PAK1: variants seen among roughly 807,000 people sequenced by gnomAD.
PAK1 encodes p21 (RAC1) activated kinase 1.
Under a neutral mutation model 67.4 loss-of-function variants are expected in PAK1, and 29 were observed. The observed-to-expected ratio is 0.43, with a 90% confidence interval of 0.32 to 0.59. The LOEUF is 0.59. Ranked by LOEUF, PAK1 falls within the 20% of genes least tolerant of loss-of-function variation. The pLI is 0.07. For synonymous variants in PAK1, 223 were observed against 237.4 expected (o/e 0.94, Z 0.56); for missense variants, 337 against 670.7 (o/e 0.50, Z 5.50).
chr11:77,409,250 A>T (rs1415596289), intron 1 of PAK1, among the ~76,000 whole-genome samples: 1 of 152,142 alleles, frequency 6.6e-6, no homozygotes. Context: ...CAGCCTGGGC[A>T]ACAGAGCAAG....
At chr11:77,471,101 T>C (rs1298993238) in intron 1 of PAK1, among the ~76,000 whole-genome samples, 2 of 152,222 alleles carry the variant, frequency 1.3e-5, no homozygotes, top group Admixed American at 1.3e-4. Flanking sequence ...GCCTGCTATA[T>C]GCAGTCACTA....
intron 1 of PAK1, among the ~76,000 whole-genome samples, chr11:77,394,486 G>GT (rs1716159340): frequency 6.6e-6 from 1 of 151,896 alleles, no homozygotes; most frequent in Admixed American, 6.6e-5. Context: ...CCCACATCCA[G>GT]TTTTTTCCTC....
At chr11:77,501,441 T>C in the PAK1 span, among the ~76,000 whole-genome samples, 2 of 152,216 alleles carry the variant, frequency 1.3e-5, no homozygotes, top group African/African-American at 4.8e-5. Context: ...CTGCTGAGCA[T>C]TCACTGAATT....
At chr11:77,467,789 ATTAT>A (rs1208473967) in intron 1 of PAK1, among the ~76,000 whole-genome samples, 1 of 152,230 alleles carries the variant, frequency 6.6e-6, no homozygotes, top group East Asian at 1.9e-4. Context: ...TAAGTTAGGT[ATTAT>A]TTCTTTCAAA....
chr11:77,489,669 T>A, the PAK1 span, among the ~76,000 whole-genome samples: 2 of 151,700 alleles, frequency 1.3e-5, no homozygotes. Context: ...CGGGCTGGTC[T>A]CCAGCTCCTA....
chr11:77,412,954 G>T (rs146077696), intron 1 of PAK1, among the ~76,000 whole-genome samples: 1 of 152,092 alleles, frequency 6.6e-6, no homozygotes, highest in Non-Finnish European at 1.5e-5. Context: ...TTACCAACAC[G>T]GCCCAGACTA....
chr11:77,505,016 C>T, the PAK1 span, among the ~76,000 whole-genome samples: 1 of 152,168 alleles, frequency 6.6e-6, no homozygotes, highest in Non-Finnish European at 1.5e-5. Flanking sequence ...GATCTGGAGC[C>T]AGGATGAGAA....
At chr11:77,512,375 G>A in the PAK1 span, among the ~76,000 whole-genome samples, 29 of 141,572 alleles carry the variant, frequency 2.0e-4, no homozygotes, top group African/African-American at 6.1e-4. Context: ...TCATTTGTGT[G>A]GTCTCTGTGA....
At chr11:77,348,269 A>G (rs529437798) in intron 9 of PAK1, among the ~76,000 whole-genome samples, 1 of 152,304 alleles carries the variant, frequency 6.6e-6, no homozygotes, top group South Asian at 2.1e-4. Flanking sequence ...CTTTGAAGTA[A>G]GAACTTCTCT....
chr11:77,336,220 T>A lies in PAK1; in HGVS notation c.1279A>T (p.Thr427Ser), dbSNP rs1330569336. ...ACCTCTGGTGCCATCCAGTATGGGGTTCCTACCATGGTGCTCCGTTTGCTC... is the reference window on the plus strand; with the variant it reads ...ACCTCTGGTGCCATCCAGTATGGGGATCCTACCATGGTGCTCCGTTTGCTC... ...EQSKRSTMVG[T>S]PYWMAPEVVT... The change falls in exon 13 of 15, where the codon ACC (threonine) becomes TCC (serine). Residue 427 changes from threonine (T) to serine (S), a missense_variant. Coordinates refer to ENST00000356341, the MANE Select transcript of PAK1 (RefSeq NM_002576.5). The A allele has an allele frequency of 6.2e-7, 1 of 1,613,906 alleles. No homozygotes were observed. The highest frequency in any genetic ancestry group is 8.5e-7 in the Non-Finnish European group (1 of 1,179,932).
chr11:77,404,699 T>C (rs1412237562), intron 1 of PAK1, among the ~76,000 whole-genome samples: 1 of 152,220 alleles, frequency 6.6e-6, no homozygotes, highest in Non-Finnish European at 1.5e-5. Flanking sequence ...GAAGGAGGTG[T>C]TCTTCCTCTC....
rs976085856 is a variant in PAK1, at chr11:77,408,734, T to C, written c.-21-16193A>G. ...GGAGAAAATATTTGTAAGCTATCCA[T>C]CTGACAAAGGATTAATAACGAGAAT... is the stretch of plus-strand genomic sequence containing the variant. On this transcript the variant is annotated intron_variant, in intron 1 of 14. Transcript: ENST00000356341. 3.9e-5 allele frequency among the ~76,000 whole-genome samples: 6 copies of C among 152,212 alleles called. 1 individual carries two copies. In the East Asian group the frequency reaches 1.2e-3, roughly 29 times the overall value.
the PAK1 span, among the ~76,000 whole-genome samples, chr11:77,525,788 A>C: frequency 1.3e-5 from 2 of 152,260 alleles, no homozygotes; most frequent in Non-Finnish European, 1.5e-5. Context: ...TAAGTAAGGC[A>C]GAATTGGATT....
intron 2 of PAK1, among the ~76,000 whole-genome samples, chr11:77,391,987 C>CG (rs1173849077): frequency 6.6e-6 from 1 of 151,990 alleles, no homozygotes; most frequent in Non-Finnish European, 1.5e-5. Flanking sequence ...GAAACTAACT[C>CG]GGGGGGAAAA....
intron 1 of PAK1, 127 bp downstream of exon 1, chr11:77,473,425 C>T (rs912473414): frequency 3.9e-5 from 6 of 152,320 alleles, no homozygotes; most frequent in Admixed American, 6.5e-5. Flanking sequence ...CCTCCTCCCG[C>T]CCAGGCGCCC....
chr11:77,526,328 G>C, the PAK1 span, among the ~76,000 whole-genome samples: 2 of 152,188 alleles, frequency 1.3e-5, no homozygotes, highest in Admixed American at 1.3e-4. Flanking sequence ...CAAATAACGT[G>C]TGGAGGGACA....
intron 1 of PAK1, among the ~76,000 whole-genome samples, chr11:77,469,622 G>A (rs1217712048): frequency 6.6e-6 from 1 of 150,790 alleles, no homozygotes; most frequent in African/African-American, 2.4e-5. Context: ...CTTTTCCAGG[G>A]TTTCATTTTC....
chr11:77,504,957 T>A, the PAK1 span, among the ~76,000 whole-genome samples: 1 of 152,208 alleles, frequency 6.6e-6, no homozygotes, highest in African/African-American at 2.4e-5. Flanking sequence ...TATAGAAAAG[T>A]CAGATACTTG....
chr11:77,408,687 A>C (rs1264013064), intron 1 of PAK1, among the ~76,000 whole-genome samples: 1 of 152,198 alleles, frequency 6.6e-6, no homozygotes, highest in Non-Finnish European at 1.5e-5. Flanking sequence ...TGATTAACGA[A>C]GTGGAGACAA....
Sources: allele counts gnomAD v4.1 joint callset (sites outside exome capture counted in the v4.1 genomes callset), GRCh38; gene constraint gnomAD v4.1.1; transcripts MANE v1.5; gene names NCBI Gene and HGNC (gene_info 2026-07-23, HGNC 2026-07-21).